CTNNA3: variants seen among roughly 807,000 people sequenced by gnomAD.
CTNNA3 encodes catenin alpha 3.
Under a neutral mutation model 95.7 loss-of-function variants are expected in CTNNA3, and 76 were observed. The ratio of observed to expected loss-of-function variants is 0.79; its 90% CI spans 0.66 to 0.96. The LOEUF (loss-of-function observed/expected upper bound fraction) is 0.96, where lower values mean the gene tolerates loss of function less well. Among genes scored for constraint, CTNNA3 ranks in the 40% least tolerant of loss-of-function variants. CTNNA3 has a pLI of 0.00. For synonymous variants in CTNNA3, 431 were observed against 374.4 expected, an observed-to-expected ratio of 1.15 and a Z score of -1.74; for missense variants, 1,191 against 1,089.8, an observed-to-expected ratio of 1.09 and a Z score of -1.31.
intron 5 of CTNNA3, among the ~76,000 whole-genome samples, chr10:67,435,941 AC>A (rs1846285746): frequency 6.6e-6 from 1 of 152,050 alleles, no homozygotes; most frequent in East Asian, 1.9e-4. Context: ...TCAAAATACC[AC>A]CATCATTCTT....
chr10:66,408,979 G>C (rs926231635), intron 11 of CTNNA3, among the ~76,000 whole-genome samples: 3 of 152,016 alleles, frequency 2.0e-5, no homozygotes, highest in Non-Finnish European at 4.4e-5. Flanking sequence ...AAGAGCATTG[G>C]CATACTTTTT....
rs747358069 is a variant in CTNNA3, at chr10:66,926,536, C to T, written c.1048-151012G>A. On this transcript the variant is annotated intron_variant, in intron 7 of 17. Coordinates refer to ENST00000433211, the MANE Select transcript of CTNNA3 (RefSeq NM_013266.4). ...ACAGGGGCTGTCATGCAACTGGCCC[C>T]TAAGCCAAAGCAAAAGACCTAAGGA... is the stretch of plus-strand genomic sequence containing the variant. 3.1e-6 allele frequency: 5 copies of T among 1,612,614 alleles called. No individual in the cohort carries two copies. The South Asian group carries it at 4.4e-5, about 14-fold the overall frequency.
At chr10:66,849,025 C>T (rs186625305) in intron 7 of CTNNA3, among the ~76,000 whole-genome samples, 2 of 152,172 alleles carry the variant, frequency 1.3e-5, no homozygotes, top group African/African-American at 4.8e-5. Context: ...TCCCCAGATT[C>T]CAGATGGATA....
intron 11 of CTNNA3, among the ~76,000 whole-genome samples, chr10:66,474,958 T>C (rs999269633): frequency 2.6e-5 from 4 of 152,058 alleles, no homozygotes; most frequent in African/African-American, 9.7e-5. Flanking sequence ...TTATATTTTC[T>C]GGATATTAAC....
At position 67,387,717 on chromosome 10, in the gene CTNNA3, A is replaced by G. The variant is rs567536058; in HGVS notation, c.579+134125T>C. ...CCAGCACGCAGCTGGAGATCTGAGA[A>G]CCAGCAGACTGCCTCCTCAAGTGGG... On this transcript the variant is annotated intron_variant, in intron 5 of 17. Coordinates refer to ENST00000433211, the MANE Select transcript of CTNNA3 (RefSeq NM_013266.4). Among the ~76,000 whole-genome samples the G allele has an allele frequency of 1.1e-3, 169 of 152,324 alleles. 1 individual carries two copies. Among genetic ancestry groups the G allele is most frequent in the African/African-American group, 3.9e-3 (164 of 41,566 alleles).
chr10:67,029,873 G>A (rs919633919), intron 7 of CTNNA3, among the ~76,000 whole-genome samples: 3 of 152,226 alleles, frequency 2.0e-5, no homozygotes, highest in South Asian at 2.1e-4. Context: ...AAATAGACAC[G>A]TGTGGCTACT....
At chr10:66,425,324 T>C (rs2093230524) in intron 11 of CTNNA3, among the ~76,000 whole-genome samples, 1 of 151,970 alleles carries the variant, frequency 6.6e-6, no homozygotes, top group Admixed American at 6.6e-5. Context: ...ATGAGTATGA[T>C]TATTGAACAT....
intron 11 of CTNNA3, among the ~76,000 whole-genome samples, chr10:66,485,653 A>G (rs978145253): frequency 6.6e-5 from 10 of 152,316 alleles, no homozygotes; most frequent in African/African-American, 2.4e-4. Context: ...ATATTATTAA[A>G]ATATCCATAC....
chr10:66,784,451 T>C (rs1356750289), intron 7 of CTNNA3, among the ~76,000 whole-genome samples: 2 of 152,196 alleles, frequency 1.3e-5, no homozygotes, highest in Non-Finnish European at 2.9e-5. Context: ...AAACAGGATC[T>C]AACTTATATA....
chr10:66,342,872 A>T (rs1224806131), intron 12 of CTNNA3, among the ~76,000 whole-genome samples: 3 of 152,118 alleles, frequency 2.0e-5, no homozygotes, highest in Non-Finnish European at 2.9e-5. Flanking sequence ...TGACAACTAT[A>T]TGTAAAGAAT....
In CTNNA3 at chr10:66,346,211, GTATATATATATATA is replaced by G. The variant is rs368554085; in HGVS notation, c.1732+32927_1732+32940del. ...AATTGAATAGTAAGTATGTGTGTGT[GTATATATATATATA>G]TATATATATATATATATATATAGAG... is the stretch of plus-strand genomic sequence containing the variant. On this transcript the variant is annotated intron_variant, in intron 12 of 17. Coordinates refer to ENST00000433211, the MANE Select transcript of CTNNA3 (RefSeq NM_013266.4). 5.6e-3 allele frequency among the ~76,000 whole-genome samples: 594 copies of G among 105,198 alleles called. 11 individuals are homozygous for G. Among genetic ancestry groups the G allele is most frequent in the African/African-American group, 0.011 (308 of 27,520 alleles). The allele number at this position is 105,198 out of a possible 152,430, so 69.0% of individuals were successfully genotyped here. A position where few individuals can be genotyped will look rare whatever the true frequency, so the allele number is the denominator to read the frequency against.
At chr10:66,681,133 G>A (rs542645405) in intron 9 of CTNNA3, among the ~76,000 whole-genome samples, 29 of 152,262 alleles carry the variant, frequency 1.9e-4, no homozygotes, top group African/African-American at 6.3e-4. Flanking sequence ...CTGATGTATC[G>A]GATGTGATGT....
rs144354168 is a variant in CTNNA3, at chr10:65,921,713, G to C, written c.2401-1096C>G. On this transcript the variant is annotated intron_variant, in intron 17 of 17. Coordinates refer to ENST00000433211, the MANE Select transcript of CTNNA3 (RefSeq NM_013266.4). ...GCCAACTGCTTCTTCTGAGACTCCT[G>C]CTGAGAGAAAAACCTGATGCTGCTT... 5.9e-5 allele frequency among the ~76,000 whole-genome samples: 9 copies of C among 152,266 alleles called. No individual in the cohort carries two copies. In the East Asian group the frequency reaches 1.7e-3, roughly 30 times the overall value.
At chr10:67,679,628 C>T (rs1266057224) in intron 1 of CTNNA3, among the ~76,000 whole-genome samples, 1 of 152,098 alleles carries the variant, frequency 6.6e-6, no homozygotes, top group African/African-American at 2.4e-5. Flanking sequence ...CATTAGGAGC[C>T]ACTCATAGTA....
chr10:66,326,595 TATAA>T (rs2092257644), intron 12 of CTNNA3, among the ~76,000 whole-genome samples: 1 of 152,038 alleles, frequency 6.6e-6, no homozygotes, highest in Non-Finnish European at 1.5e-5. Flanking sequence ...AAACTGAAAC[TATAA>T]ATAAAGATAA....
intron 7 of CTNNA3, among the ~76,000 whole-genome samples, chr10:67,085,387 C>T (rs750004850): frequency 3.4e-4 from 52 of 150,968 alleles, no homozygotes; most frequent in Non-Finnish European, 4.9e-4. Context: ...CTAGATGCAA[C>T]TGTGAAAAAA....
chr10:67,652,695 G>T (rs557696571), intron 1 of CTNNA3, among the ~76,000 whole-genome samples: 2 of 148,158 alleles, frequency 1.3e-5, no homozygotes, highest in East Asian at 2.0e-4. Flanking sequence ...TATTTAATAC[G>T]AATTATAACA....
intron 12 of CTNNA3, among the ~76,000 whole-genome samples, chr10:66,367,513 CAT>C (rs1298859923): frequency 1.3e-5 from 2 of 149,338 alleles, no homozygotes; most frequent in Non-Finnish European, 3.0e-5. Context: ...TATATAGAAA[CAT>C]ATGCACATAT....
intron 11 of CTNNA3, among the ~76,000 whole-genome samples, chr10:66,433,845 T>C (rs1304530832): frequency 6.6e-6 from 1 of 152,226 alleles, no homozygotes; most frequent in Non-Finnish European, 1.5e-5. Context: ...GAATCCAGTT[T>C]CAGTTTTCTG....
Sources: allele counts gnomAD v4.1 joint callset (sites outside exome capture counted in the v4.1 genomes callset), GRCh38; gene constraint gnomAD v4.1.1; transcripts MANE v1.5; gene names NCBI Gene and HGNC (gene_info 2026-07-23, HGNC 2026-07-21).